Variants in RBPJ observed in about 807,000 individuals in gnomAD.
The protein encoded by RBPJ is recombining binding protein suppressor of hairless.
In RBPJ, 9 loss-of-function variants were observed where a neutral mutation model predicts 67.8. The ratio of observed to expected loss-of-function variants is 0.13; its 90% CI spans 0.08 to 0.23. The LOEUF (loss-of-function observed/expected upper bound fraction) is 0.23, where lower values mean the gene tolerates loss of function less well. RBPJ is among the 10% of genes least tolerant of loss of function. The pLI, the probability that RBPJ is intolerant of heterozygous loss-of-function variation, is 1.00. For missense variants in RBPJ, 305 were observed against 595.6 expected (o/e 0.51, Z 5.08); for synonymous variants, 198 against 203.3 (o/e 0.97, Z 0.22).
intron 1 of RBPJ, among the ~76,000 whole-genome samples, chr4:26,226,706 G>A (rs1327745587): frequency 6.6e-6 from 1 of 152,148 alleles, no homozygotes; most frequent in Non-Finnish European, 1.5e-5. Flanking sequence ...TTGCTTCTGT[G>A]TGTGGTTAAC....
At position 26,431,481 on chromosome 4, in the gene RBPJ, G is replaced by T. The variant is rs1393675156; in HGVS notation, c.*474G>T. Reference sequence around the variant, plus strand: ...TATAGTACACCTTGTTACCAAATAGGTTGTTCTCTTCCCCACCCACCTTTG... The same window carrying T: ...TATAGTACACCTTGTTACCAAATAGTTTGTTCTCTTCCCCACCCACCTTTG... On this transcript the variant is annotated 3_prime_UTR_variant, in exon 11 of 11. Transcript: ENST00000355476. 6.5e-6 allele frequency: 1 copy of T among 153,360 alleles called. No individual in the cohort carries two copies. The highest frequency in any genetic ancestry group is 1.4e-5 in the Non-Finnish European group (1 of 69,164). 9.5% of individuals were successfully genotyped at this position (153,360 alleles called of 1,614,324 possible). A position where few individuals can be genotyped will look rare whatever the true frequency, so the allele number is the denominator to read the frequency against.
chr4:26,151,928 TGAGCCTCTCCA>T, the RBPJ span, among the ~76,000 whole-genome samples: 1 of 152,220 alleles, frequency 6.6e-6, no homozygotes, highest in East Asian at 1.9e-4. Context: ...GTGGGACAGC[TGAGCCTCTCCA>T]GATGTTGAAC....
intron 1 of RBPJ, among the ~76,000 whole-genome samples, chr4:26,329,754 C>A (rs573484175): frequency 6.6e-6 from 1 of 151,900 alleles, no homozygotes; most frequent in Non-Finnish European, 1.5e-5. Context: ...ATTAGCTGGG[C>A]GTGTTGGCAG....
At position 26,214,674 on chromosome 4, in the gene RBPJ, G is replaced by C. The variant is rs988871553; in HGVS notation, c.-167+51060G>C. ...AGAGAAAAAGGAAGGAAGAAACAAG[G>C]GAGGGAGGAGAGAGGGAGGAAGGAT... is the stretch of plus-strand genomic sequence containing the variant. On this transcript the variant is annotated intron_variant, in intron 1 of 4. Transcript: ENST00000512351. Among the ~76,000 whole-genome samples, 5 of 133,080 alleles carry C rather than the reference G, an allele frequency of 3.8e-5. No homozygotes were observed. In the Admixed American group the frequency reaches 3.8e-4, roughly 10 times the overall value. The allele number at this position is 133,080 out of a possible 152,430, so 87.3% of individuals were successfully genotyped here.
chr4:26,177,512 G>C (rs1716835989), intron 1 of RBPJ, among the ~76,000 whole-genome samples: 1 of 152,136 alleles, frequency 6.6e-6, no homozygotes, highest in Admixed American at 6.6e-5. Flanking sequence ...GAGAGGTGGA[G>C]GTTGCAGTGA....
intron 1 of RBPJ, among the ~76,000 whole-genome samples, chr4:26,342,818 A>G (rs530728443): frequency 5.3e-5 from 8 of 152,326 alleles, no homozygotes; most frequent in Middle Eastern, 3.4e-3. Flanking sequence ...GTGTAATGGT[A>G]TCTCTGACAT....
chr4:26,315,165 A>T (rs28539222), upstream of RBPJ, among the ~76,000 whole-genome samples: 4 of 102,190 alleles, frequency 3.9e-5, no homozygotes, highest in South Asian at 2.8e-4. Flanking sequence ...AAAAAAAAAA[A>T]AAATATATAT....
intron 3 of RBPJ, among the ~76,000 whole-genome samples, chr4:26,410,444 A>T (rs1193070869): frequency 6.6e-6 from 1 of 152,338 alleles, no homozygotes; most frequent in Admixed American, 6.5e-5. Context: ...TCATTAAGTA[A>T]GATCTTAGGT....
chr4:26,427,899 A>G (rs1443258326), intron 7 of RBPJ, among the ~76,000 whole-genome samples: 1 of 152,226 alleles, frequency 6.6e-6, no homozygotes, highest in East Asian at 1.9e-4. Context: ...GCTCTTCATC[A>G]TGATCATCTA....
intron 1 of RBPJ, among the ~76,000 whole-genome samples, chr4:26,214,238 AGAGAAAAGG>A (rs1718536358): frequency 7.1e-6 from 1 of 140,402 alleles, no homozygotes; most frequent in Non-Finnish European, 1.5e-5. Context: ...AGAGAAAGAA[AGAGAAAAGG>A]GAGAAAAGAG....
chr4:26,415,585 T>G lies in RBPJ; in HGVS notation c.266T>G (p.Phe89Cys). 1.9e-6 allele frequency: 3 copies of G among 1,611,784 alleles called. No individual in the cohort carries two copies. Among genetic ancestry groups the G allele is most frequent in the Non-Finnish European group, 2.5e-6 (3 of 1,179,312 alleles). ...GAACAAGAGTCTCAACCGTGTGCATTTATTGGGATAGGAAATAGTGACCAA... is the reference window on the plus strand; with the variant it reads ...GAACAAGAGTCTCAACCGTGTGCATGTATTGGGATAGGAAATAGTGACCAA... ...CSEQESQPCA[F>C]IGIGNSDQEM... The change falls in exon 4 of 11, where the codon TTT (phenylalanine) becomes TGT (cysteine). Residue 89 changes from phenylalanine to cysteine, a missense_variant. Transcript: ENST00000355476.
chr4:26,425,837 C>G (rs953377791), intron 7 of RBPJ, among the ~76,000 whole-genome samples: 16 of 152,124 alleles, frequency 1.1e-4, no homozygotes, highest in African/African-American at 2.9e-4. Context: ...TGTTCCTAAA[C>G]ATGCCTCCTA....
In RBPJ at chr4:26,182,085, G is replaced by A. The variant is rs1249724440; in HGVS notation, c.-167+18471G>A. Among the ~76,000 whole-genome samples the A allele has an allele frequency of 2.0e-5, 3 of 152,344 alleles. No individual in the cohort carries two copies. The East Asian group carries it at 5.8e-4, about 29-fold the overall frequency. On this transcript the variant is annotated intron_variant, in intron 1 of 4. Coordinates refer to the RBPJ transcript ENST00000512351. ...TGGCTGGGTGCGGTGGCTCACGCCT[G>A]TAATCCCAGCACTTTGGGAGGCCGA... is the stretch of plus-strand genomic sequence containing the variant.
intron 1 of RBPJ, among the ~76,000 whole-genome samples, chr4:26,361,044 A>AGTGTGT (rs1232813456): frequency 2.7e-4 from 26 of 95,276 alleles, no homozygotes; most frequent in African/African-American, 7.9e-4. Context: ...TCCTTTCAGG[A>AGTGTGT]GTGAGTGTGT....
chr4:26,236,356 C>A (rs1719452245), intron 1 of RBPJ, among the ~76,000 whole-genome samples: 2 of 152,166 alleles, frequency 1.3e-5, no homozygotes, highest in African/African-American at 4.8e-5. Flanking sequence ...AAATTAGTGG[C>A]TTAAAACAAT....
At chr4:26,406,023 A>G (rs1733364464) in intron 2 of RBPJ, 152 bp from the exon 3 acceptor site, 2 of 521,428 alleles carry the variant, frequency 3.8e-6, no homozygotes, top group East Asian at 6.0e-5. Flanking sequence ...AATTTAATTT[A>G]TGGATTTACT....
At chr4:26,324,401 AGT>A (rs56655194) in intron 1 of RBPJ, among the ~76,000 whole-genome samples, 69,522 of 149,806 alleles carry the variant, frequency 0.46, 16,179 homozygotes, top group Admixed American at 0.53. Context: ...GTCGTGTGTG[AGT>A]GTGTGTGTGT....
At chr4:26,399,502 T>C (rs1211068109) in intron 2 of RBPJ, among the ~76,000 whole-genome samples, 1 of 148,072 alleles carries the variant, frequency 6.8e-6, no homozygotes, top group East Asian at 2.0e-4. Flanking sequence ...TGTAGTATTC[T>C]CTTTGTGGTA....
Position 26,431,097 on chromosome 4 carries a change from C to T in RBPJ, c.*90C>T, listed in dbSNP as rs139206085. ...AAAAATGAACAATCGTTTGTGGTTT[C>T]TTGGGAAAACTTTTCATACCAGGTG... is the stretch of plus-strand genomic sequence containing the variant. On this transcript the variant is annotated 3_prime_UTR_variant, in exon 11 of 11. Coordinates refer to ENST00000355476, the MANE Select transcript of RBPJ (RefSeq NM_015874.6). 291 of 1,031,706 alleles carry T rather than the reference C, an allele frequency of 2.8e-4. 2 individuals carry two copies. The South Asian group carries it at 2.8e-3, about 10-fold the overall frequency. 63.9% of individuals were successfully genotyped at this position (1,031,706 alleles called of 1,614,324 possible). A position where few individuals can be genotyped will look rare whatever the true frequency, so the allele number is the denominator to read the frequency against.
Sources: gnomAD v4.1 joint callset for allele counts (sites outside exome capture counted in the v4.1 genomes callset) on GRCh38, gnomAD v4.1.1 for gene constraint, MANE v1.5 for transcripts, NCBI Gene and HGNC (gene_info 2026-07-23, HGNC 2026-07-21) for gene names.